Variants in DNAH1 observed in about 807,000 individuals in gnomAD.
DNAH1 encodes the protein axonemal beta dynein heavy chain 1.
In DNAH1, 327 loss-of-function variants were observed where a neutral mutation model predicts 484.3. That is an observed-to-expected ratio of 0.68 (90% CI 0.62 to 0.74). DNAH1 has a LOEUF of 0.74. Among genes scored for constraint, DNAH1 ranks in the 30% least tolerant of loss-of-function variants. DNAH1 has a pLI of 0.00. For synonymous variants in DNAH1, 2,192 were observed against 2,191.9 expected, an observed-to-expected ratio of 1.00 and a Z score of 0.00; for missense variants, 5,052 against 5,546.8, an observed-to-expected ratio of 0.91 and a Z score of 2.83.
chr3:52,313,420 C>G (rs1700856614), upstream of DNAH1, among the ~76,000 whole-genome samples: 1 of 152,132 alleles, frequency 6.6e-6, no homozygotes, highest in Non-Finnish European at 1.5e-5. Context: ...GGCAATGGGT[C>G]TTTGTCTCAT....
In DNAH1 at chr3:52,379,321, C is replaced by A. The variant is rs1209906240; in HGVS notation, c.7377+541C>A. On this transcript the variant is annotated intron_variant, in intron 47 of 77. Coordinates refer to ENST00000420323, the MANE Select transcript of DNAH1 (RefSeq NM_015512.5). The surrounding 1 kb of genome is among the most constrained non-coding windows in gnomAD (Gnocchi z 4.4). The stretch of plus-strand genomic sequence containing the variant: ...GCCCAGGCTAAGGAGATGGGGTGAG[C>A]AGGACAGAAGCTGACCCTGGCCTTG... Among the ~76,000 whole-genome samples the A allele has an allele frequency of 6.6e-6, 1 of 152,138 alleles. No homozygotes were observed. The highest frequency in any genetic ancestry group is 6.5e-5 in the Admixed American group (1 of 15,268).
chr3:52,399,646 C>T lies in DNAH1; in HGVS notation c.12543C>T (p.Phe4181=), dbSNP rs1484340301. The change falls in exon 77 of 78, where the codon TTC becomes TTT. Residue 4181 remains phenylalanine (F), a synonymous_variant. Coordinates refer to ENST00000420323, the MANE Select transcript of DNAH1 (RefSeq NM_015512.5). The part of the protein sequence containing the change: ...LEGARWDPEA[F]QLAESQPKEL... The stretch of plus-strand genomic sequence containing the variant: ...GTGCCCGCTGGGATCCAGAGGCCTT[C>T]CAGCTGGCTGAGTCTCAGCCCAAGG... 6.2e-7 allele frequency: 1 copy of T among 1,613,898 alleles called. No individual in the cohort carries two copies. The highest frequency in any genetic ancestry group is 1.3e-5 in the African/African-American group (1 of 74,928).
Position 52,398,877 on chromosome 3 carries a change from A to G in DNAH1, c.12117A>G (p.Thr4039=), listed in dbSNP as rs750973090. The G allele has an allele frequency of 2.2e-5, 34 of 1,569,016 alleles. No individual in the cohort carries two copies. Among genetic ancestry groups the G allele is most frequent in the Middle Eastern group, 1.7e-4 (1 of 5,890 alleles). ...ACAATCGGCTGCTGCAGGTGATCACACAGACACTGCAAGACCTACTCAAGG... is the reference window on the plus strand; with the variant it reads ...ACAATCGGCTGCTGCAGGTGATCACGCAGACACTGCAAGACCTACTCAAGG... ...IRYNRLLQVI[T]QTLQDLLKAL... The change falls in exon 76 of 78, where the codon ACA becomes ACG. Residue 4039 remains threonine, a synonymous_variant. Coordinates refer to ENST00000420323, the MANE Select transcript of DNAH1 (RefSeq NM_015512.5).
At chr3:52,318,061 AT>A (rs1701014738) in intron 1 of DNAH1, among the ~76,000 whole-genome samples, 1 of 152,018 alleles carries the variant, frequency 6.6e-6, no homozygotes, top group South Asian at 2.1e-4. Context: ...ACTTTATTTT[AT>A]TATTTTTGAG....
At chr3:52,359,137 C>T in intron 25 of DNAH1, 109 bp from the exon 26 acceptor site, 1 of 1,463,494 alleles carries the variant, frequency 6.8e-7, no homozygotes, top group South Asian at 1.4e-5. Context: ...GCATCAACAA[C>T]TGGAGCCAAG....
intron 46 of DNAH1, among the ~76,000 whole-genome samples, chr3:52,377,052 C>T (rs1004640546): frequency 1.3e-5 from 2 of 152,140 alleles, no homozygotes; most frequent in Non-Finnish European, 2.9e-5. Flanking sequence ...AGTCCCATCC[C>T]GCCTCTGACG....
At position 52,370,771 on chromosome 3, in the gene DNAH1, C is replaced by T. The variant is rs745740787; in HGVS notation, c.6471C>T (p.Asp2157=). Residue 2157 remains aspartate (D), a synonymous_variant, in exon 41 of 78, where the codon GAC becomes GAT. Transcript: ENST00000420323. Reference sequence around the variant, plus strand: ...TGGTGTTCGATTACAGGCTGGAGGACGCGGGCATCAGTGGCACCAACGACA... The same window carrying T: ...TGGTGTTCGATTACAGGCTGGAGGATGCGGGCATCAGTGGCACCAACGACA... The part of the protein sequence containing the change: ...EGLVFDYRLE[D]AGISGTNDSE... The T allele has an allele frequency of 1.2e-5, 20 of 1,607,836 alleles. No individual in the cohort carries two copies. Among genetic ancestry groups the T allele is most frequent in the African/African-American group, 5.3e-5 (4 of 74,836 alleles).
rs760638746 is a variant in DNAH1 at position 52,372,928 on chromosome 3, G to A, written c.6860G>A (p.Arg2287His). Residue 2287 changes from arginine to histidine, a missense_variant, in exon 44 of 78, where the codon CGC (arginine) becomes CAC (histidine). Transcript: ENST00000420323. ...GGTGTGTTTGGACCACCTCTGGGGC[G>A]CAACTTTATCTTCTTCATCGATGAC... Reference protein sequence around the residue: ...RKGVFGPPLGRNFIFFIDDLN... With the variant: ...RKGVFGPPLGHNFIFFIDDLN... The A allele has an allele frequency of 1.5e-5, 24 of 1,613,270 alleles. No homozygotes were observed. In the Middle Eastern group the frequency reaches 4.9e-4, roughly 33 times the overall value.
intron 10 of DNAH1, 118 bp downstream of exon 10, chr3:52,345,824 G>C: frequency 9.3e-7 from 1 of 1,077,838 alleles, no homozygotes; most frequent in Non-Finnish European, 1.3e-6. Flanking sequence ...GAGGCTGTGA[G>C]CCCCTGCTTT....
In DNAH1 at chr3:52,352,606, G is replaced by T. The variant is rs181919231; in HGVS notation, c.2926G>T (p.Ala976Ser). ...GGAGATTTCACGTGCACACGAGATC[G>T]CCAACGAGGTGCGGCGTGTCAAGAA... Reference protein sequence around the residue: ...HVEISRAHEIANEVRRVKKQL... With the variant: ...HVEISRAHEISNEVRRVKKQL... Residue 976 changes from alanine (A) to serine (S), a missense_variant, in exon 18 of 78, where the codon GCC becomes TCC. By Grantham distance (99) the Ala-to-Ser change is moderately conservative. This residue lies in a region of DNAH1 where 2,929 missense variants were observed against 3,409.4 expected (regional missense o/e 0.86). Transcript: ENST00000420323. 1.2e-6 allele frequency: 2 copies of T among 1,612,558 alleles called. No individual in the cohort carries two copies. The highest frequency in any genetic ancestry group is 1.3e-5 in the African/African-American group (1 of 74,638).
At chr3:52,332,426 G>C (rs773873663) in intron 8 of DNAH1, 32 bp downstream of exon 8, 1 of 1,600,386 alleles carries the variant, frequency 6.2e-7, no homozygotes, top group Admixed American at 1.7e-5. Flanking sequence ...CCTATTCTGG[G>C]CATCACCTTC....
Position 52,396,725 on chromosome 3 carries a change from G to C in DNAH1, c.11538G>C (p.Thr3846=), listed in dbSNP as rs765213231. 6.2e-7 allele frequency: 1 copy of C among 1,613,766 alleles called. No individual in the cohort carries two copies. Among genetic ancestry groups the C allele is most frequent in the East Asian group, 2.2e-5 (1 of 44,862 alleles). ...GCTTCAACATCCCCTATGAGTTCAC[G>C]GATGGAGATCTGCGCATCTGCATCA... ...PLGFNIPYEF[T]DGDLRICISQ... is the part of the protein sequence containing the mutation. The change falls in exon 72 of 78, where the codon ACG becomes ACC. Residue 3846 remains threonine, a synonymous_variant. Transcript: ENST00000420323.
At position 52,361,371 on chromosome 3, in the gene DNAH1, G is replaced by T; in HGVS notation, c.4874+19G>T. 6.4e-7 allele frequency: 1 copy of T among 1,551,098 alleles called. No individual in the cohort carries two copies. Among genetic ancestry groups the T allele is most frequent in the Non-Finnish European group, 8.7e-7 (1 of 1,145,752 alleles). ...TGGCCAGGTGAGGCTGGGCATGAGC[G>T]TGGCACAGGATGGGGTGGGACAGCC... On this transcript the variant is annotated intron_variant, in intron 29 of 77. Transcript: ENST00000420323. This position sits in a 1 kb window ranked among gnomAD's most constrained non-coding sequence, Gnocchi z 5.6.
At position 52,348,921 on chromosome 3, in the gene DNAH1, C is replaced by A; in HGVS notation, c.2140C>A (p.Pro714Thr). ...VMEDIFISGD[P>T]LLESVGLHEP... ...GGAGGACATCTTCATCAGCGGTGAC[C>A]CCCTGCTGGAGTCCGTGGGCCTTCA... Residue 714 changes from proline to threonine, a missense_variant, in exon 13 of 78, where the codon CCC (proline) becomes ACC (threonine). Physicochemically the swap from Pro to Thr is conservative, Grantham distance 38. Around this residue, in one of 4 missense-constraint regions of DNAH1, gnomAD observed 1,263 missense variants for 1,218.8 expected, o/e 1.04. Transcript: ENST00000420323. The A allele has an allele frequency of 5.6e-6, 9 of 1,613,386 alleles. No homozygotes were observed. Among genetic ancestry groups the A allele is most frequent in the Non-Finnish European group, 7.6e-6 (9 of 1,179,872 alleles).
Position 52,382,524 on chromosome 3 carries a change from C to G in DNAH1, c.7941+69C>G. On this transcript the variant is annotated intron_variant, in intron 50 of 77. Coordinates refer to ENST00000420323, the MANE Select transcript of DNAH1 (RefSeq NM_015512.5). Reference sequence around the variant, plus strand: ...ACAACCCCATCTGAGCATAGCATCCCGGAAGGTGGCCAGTCCTTCATGCCC... The same window carrying G: ...ACAACCCCATCTGAGCATAGCATCCGGGAAGGTGGCCAGTCCTTCATGCCC... 1.9e-6 allele frequency: 3 copies of G among 1,584,310 alleles called. No individual in the cohort carries two copies. The South Asian group carries it at 3.4e-5, about 18-fold the overall frequency.
At chr3:52,369,339 T>C (rs896361162) in intron 37 of DNAH1, among the ~76,000 whole-genome samples, 1 of 152,110 alleles carries the variant, frequency 6.6e-6, no homozygotes, top group East Asian at 1.9e-4. Flanking sequence ...ATGGATGGCA[T>C]AGACACCACG....
chr3:52,397,625 G>T, intron 73 of DNAH1, 82 bp from the exon 74 acceptor site: 1 of 1,297,130 alleles, frequency 7.7e-7, no homozygotes, highest in Non-Finnish European at 1.1e-6. Context: ...GTGACAAGTG[G>T]GGATGTGCTC....
rs762231833 is a variant in DNAH1 at position 52,326,344 on chromosome 3, T to A, written c.581+30T>A. The A allele has an allele frequency of 4.1e-5, 65 of 1,586,708 alleles. 3 individuals are homozygous for A. The South Asian group carries it at 7.1e-4, about 17-fold the overall frequency. On this transcript the variant is annotated intron_variant, in intron 4 of 77. Transcript: ENST00000420323. ...GGCTGGGTGGGCTGTGGGGAGACTGTCGGGGAGGTGGCATCCACCCGCCTC... is the reference window on the plus strand; with the variant it reads ...GGCTGGGTGGGCTGTGGGGAGACTGACGGGGAGGTGGCATCCACCCGCCTC...
chr3:52,372,783 A>G (rs1559544201), intron 43 of DNAH1, 113 bp from the exon 44 acceptor site: 10 of 1,396,552 alleles, frequency 7.2e-6, no homozygotes, highest in Non-Finnish European at 8.7e-6. Context: ...AATTTGGAGG[A>G]GGCTAAAATT....
Sources: gnomAD v4.1 joint callset for allele counts (sites outside exome capture counted in the v4.1 genomes callset) on GRCh38, gnomAD v4.1.1 for gene constraint, gnomAD v4.1.1 regional missense constraint, Gnocchi (gnomAD v3.1) non-coding constraint, MANE v1.5 for transcripts, NCBI Gene and HGNC (gene_info 2026-07-23, HGNC 2026-07-21) for gene names.